Variants in ROCK2 observed in about 807,000 individuals in gnomAD.
ROCK2 encodes the protein Rho associated coiled-coil containing protein kinase 2.
Under a neutral mutation model 195.1 loss-of-function variants are expected in ROCK2, and 61 were observed. The ratio of observed to expected loss-of-function variants is 0.31; its 90% CI spans 0.25 to 0.39. ROCK2 has a LOEUF of 0.39. Ranked by LOEUF, ROCK2 falls within the 10% of genes least tolerant of loss-of-function variation. The probability of loss-of-function intolerance (pLI) is 1.00; values close to 1 mark genes in which losing one functional copy is unlikely to be tolerated. For synonymous variants in ROCK2, 504 were observed against 545.5 expected, an observed-to-expected ratio of 0.92 and a Z score of 1.06; for missense variants, 1,109 against 1,637.4, an observed-to-expected ratio of 0.68 and a Z score of 5.57.
intron 1 of ROCK2, chr2:11,308,959 T>C (rs1667948728): frequency 2.9e-5 from 46 of 1,609,910 alleles, no homozygotes; most frequent in Non-Finnish European, 3.9e-5. Flanking sequence ...ATGATGAACC[T>C]GGAACTTCTG....
chr2:11,242,270 T>C (rs6728627), intron 4 of ROCK2, among the ~76,000 whole-genome samples: 67,204 of 151,902 alleles, frequency 0.44, 15,424 homozygotes, highest in Admixed American at 0.54. Context: ...AGGGACAAAT[T>C]TTACTGAACA....
At position 11,194,955 on chromosome 2, in the gene ROCK2, CT is replaced by C; in HGVS notation, c.3518del (p.Lys1173SerfsTer3). 2.6e-6 allele frequency: 4 copies of C among 1,548,388 alleles called. No homozygotes were observed. The highest frequency in any genetic ancestry group is 1.9e-5 in the Admixed American group (1 of 53,434). On this transcript the variant is annotated frameshift_variant and splice_region_variant, in exon 28 of 33. Coordinates refer to ENST00000315872, the MANE Select transcript of ROCK2 (RefSeq NM_004850.5). LOFTEE classifies it high-confidence loss of function. ...GCTCATATTCCAAAGTATCAATTAC[CT>C]TTTTAACCCATCCAAATTTCTTAGT... is the stretch of plus-strand genomic sequence containing the variant. ...NNTKKFGWVKKYVIVSSKKIL... is the reference protein window; with the variant it reads ...NNTKKFGWVKXYVIVSSKKIL...
intron 1 of ROCK2, among the ~76,000 whole-genome samples, chr2:11,320,293 A>AC (rs1317175742): frequency 6.6e-6 from 1 of 152,198 alleles, no homozygotes; most frequent in Admixed American, 6.5e-5. Flanking sequence ...AAAGAAGAAA[A>AC]TAATAGCTAT....
chr2:11,207,912 T>C lies in ROCK2; in HGVS notation c.2365-2A>G. 6.4e-7 allele frequency: 1 copy of C among 1,553,060 alleles called. No homozygotes were observed. The highest frequency in any genetic ancestry group is 8.7e-7 in the Non-Finnish European group (1 of 1,151,004). ...TATTTTTAATGTCAGGTTTCTAACC[T>C]AAGAAATAAATTGTGTACTTGGTAT... On this transcript the variant is annotated splice_acceptor_variant, in intron 19 of 32. Transcript: ENST00000315872. LOFTEE classifies it high-confidence loss of function.
chr2:11,219,510 C>T (rs992384516), intron 9 of ROCK2, among the ~76,000 whole-genome samples: 1 of 152,094 alleles, frequency 6.6e-6, no homozygotes, highest in African/African-American at 2.4e-5. Context: ...GACTCCATCT[C>T]AATCCATCCA....
At chr2:11,189,539 C>CA (rs1283450085) in intron 32 of ROCK2, among the ~76,000 whole-genome samples, 2 of 152,186 alleles carry the variant, frequency 1.3e-5, no homozygotes, top group Admixed American at 1.3e-4. Context: ...TATGATCTCT[C>CA]ACACTTTCAA....
In ROCK2 at chr2:11,192,129, C is replaced by A; in HGVS notation, c.4163+19G>T. 4 of 1,495,252 alleles carry A rather than the reference C, an allele frequency of 2.7e-6. No homozygotes were observed. The highest frequency in any genetic ancestry group is 2.2e-5 in the Admixed American group (1 of 44,854). The allele number at this position is 1,495,252 out of a possible 1,614,324, so 92.6% of individuals were successfully genotyped here. ...TTAATAGACTTTTTTTTTTTCCTTA[C>A]CACATTTTAGTTTATTACCTAGGTT... On this transcript the variant is annotated intron_variant, in intron 32 of 32. Transcript: ENST00000315872. The surrounding 1 kb of genome is among the most constrained non-coding windows in gnomAD (Gnocchi z 5.0).
chr2:11,180,979 A>T lies in ROCK2; in HGVS notation c.*2458T>A, dbSNP rs911415094. ...AATGTGAAGAATCTCCATGGGAGAG[A>T]TTTTTTTTTCACCCTTCAGAATTAT... On this transcript the variant is annotated 3_prime_UTR_variant, in exon 33 of 33. Coordinates refer to ENST00000315872, the MANE Select transcript of ROCK2 (RefSeq NM_004850.5). 9.9e-5 allele frequency: 15 copies of T among 150,916 alleles called. No individual in the cohort carries two copies. The highest frequency in any genetic ancestry group is 8.9e-5 in the Non-Finnish European group (6 of 67,656). 9.3% of individuals were successfully genotyped at this position (150,916 alleles called of 1,614,324 possible). A position where few individuals can be genotyped will look rare whatever the true frequency, so the allele number is the denominator to read the frequency against.
intron 3 of ROCK2, among the ~76,000 whole-genome samples, chr2:11,269,173 C>A (rs1483456976): frequency 6.6e-6 from 1 of 152,172 alleles, no homozygotes; most frequent in Non-Finnish European, 1.5e-5. Context: ...ACTTTCTCTA[C>A]ATCTTCCTTT....
At chr2:11,196,246 G>A (rs549371247) in intron 27 of ROCK2, among the ~76,000 whole-genome samples, 1 of 152,234 alleles carries the variant, frequency 6.6e-6, no homozygotes, top group South Asian at 2.1e-4. Flanking sequence ...GGTAACGATC[G>A]GGCCAAATTC....
Position 11,218,481 on chromosome 2 carries a change from A to G in ROCK2, c.1321-15T>C. The stretch of plus-strand genomic sequence containing the variant: ...TCTTGACTTTCCTATTTAAAACAAA[A>G]CAGAAAACACATTAAAATACTAAAA... On this transcript the variant is annotated splice_polypyrimidine_tract_variant and intron_variant, in intron 10 of 32. Transcript: ENST00000315872. 1 of 1,496,256 alleles carries G rather than the reference A, an allele frequency of 6.7e-7. No individual in the cohort carries two copies. Among genetic ancestry groups the G allele is most frequent in the Non-Finnish European group, 9.1e-7 (1 of 1,095,942 alleles). The allele number at this position is 1,496,256 out of a possible 1,614,324, so 92.7% of individuals were successfully genotyped here. A position where few individuals can be genotyped will look rare whatever the true frequency, so the allele number is the denominator to read the frequency against.
chr2:11,214,909 G>T lies in ROCK2; in HGVS notation c.1867C>A (p.Leu623Ile). 5 of 1,613,868 alleles carry T rather than the reference G, an allele frequency of 3.1e-6. No homozygotes were observed. The highest frequency in any genetic ancestry group is 4.2e-6 in the Non-Finnish European group (5 of 1,179,876). ...CTTTCAGATTCTAGAGCTGACTGAA[G>T]ATTGATAAATTCCTTTTCAAGTTTT... ...KLKLEKEFINLQSALESERRD... is the reference protein window; with the variant it reads ...KLKLEKEFINIQSALESERRD... The change falls in exon 16 of 33, where the codon CTT becomes ATT. Residue 623 changes from leucine (L) to isoleucine (I), a missense_variant. This residue lies in a region of ROCK2 where 542 missense variants were observed against 672.0 expected (regional missense o/e 0.81). Coordinates refer to ENST00000315872, the MANE Select transcript of ROCK2 (RefSeq NM_004850.5).
At chr2:11,258,432 C>T (rs1311542497) in intron 3 of ROCK2, among the ~76,000 whole-genome samples, 1 of 151,434 alleles carries the variant, frequency 6.6e-6, no homozygotes, top group Non-Finnish European at 1.5e-5. Flanking sequence ...TTGTCAACTG[C>T]TCTTAGTTAA....
At chr2:11,191,338 T>G (rs1663414802) in intron 32 of ROCK2, among the ~76,000 whole-genome samples, 1 of 152,202 alleles carries the variant, frequency 6.6e-6, no homozygotes, top group Non-Finnish European at 1.5e-5. Flanking sequence ...ATCAAAATGT[T>G]TTTGTGCATA....
At chr2:11,330,043 A>G (rs1261065984) in intron 1 of ROCK2, among the ~76,000 whole-genome samples, 2 of 152,230 alleles carry the variant, frequency 1.3e-5, no homozygotes, top group African/African-American at 2.4e-5. Context: ...CTGAGGTATT[A>G]TGGAATTAGG....
At chr2:11,302,313 TTTG>T (rs966095522) in intron 1 of ROCK2, among the ~76,000 whole-genome samples, 1 of 152,070 alleles carries the variant, frequency 6.6e-6, no homozygotes, top group African/African-American at 2.4e-5. Context: ...GGGGTGTTTT[TTTG>T]TTGTTGTTTT....
intron 4 of ROCK2, 58 bp downstream of exon 4, chr2:11,249,603 T>G: frequency 1.5e-6 from 2 of 1,312,500 alleles, no homozygotes; most frequent in Non-Finnish European, 2.0e-6. Flanking sequence ...AATCAACTCA[T>G]GAATAATAAA....
intron 20 of ROCK2, among the ~76,000 whole-genome samples, chr2:11,204,023 A>T (rs1381960683): frequency 2.0e-5 from 3 of 152,216 alleles, no homozygotes; most frequent in African/African-American, 7.2e-5. Flanking sequence ...CCATGTAATT[A>T]CATGATTACA....
rs575203344 is a variant in ROCK2, at chr2:11,333,588, C to T, written c.141+10408G>A. Among the ~76,000 whole-genome samples the T allele has an allele frequency of 3.3e-5, 5 of 152,198 alleles. No individual in the cohort carries two copies. In the East Asian group the frequency reaches 9.7e-4, roughly 29 times the overall value. On this transcript the variant is annotated intron_variant, in intron 1 of 32. Coordinates refer to ENST00000315872, the MANE Select transcript of ROCK2 (RefSeq NM_004850.5). ...TAAAGCCAAATCAACACATGAGAAA[C>T]CAGAATGCTTAATACCTGACAAATT...
Sources: gnomAD v4.1 joint callset for allele counts (sites outside exome capture counted in the v4.1 genomes callset) on GRCh38, gnomAD v4.1.1 for gene constraint, gnomAD v4.1.1 regional missense constraint, Gnocchi (gnomAD v3.1) non-coding constraint, MANE v1.5 for transcripts, NCBI Gene and HGNC (gene_info 2026-07-23, HGNC 2026-07-21) for gene names.